The following TMEM132D variants were observed in gnomAD, a reference collection of about 807,000 sequenced individuals.
TMEM132D encodes mature OL transmembrane protein.
In TMEM132D, 21 loss-of-function variants were observed where a neutral mutation model predicts 62.3. The ratio of observed to expected loss-of-function variants is 0.34; its 90% CI spans 0.24 to 0.49. The LOEUF (loss-of-function observed/expected upper bound fraction) is 0.49. Ranked by LOEUF, TMEM132D falls within the 20% of genes least tolerant of loss-of-function variation. The probability of loss-of-function intolerance (pLI) is 0.99; values close to 1 mark genes in which losing one functional copy is unlikely to be tolerated. For missense variants in TMEM132D, 1,346 were observed against 1,402.8 expected (o/e 0.96, Z 0.65); for synonymous variants, 621 against 575.6 (o/e 1.08, Z -1.13).
chr12:129,710,639 ATTTAT>A lies in TMEM132D; in HGVS notation c.80-9946_80-9942del, dbSNP rs562877940. Among the ~76,000 whole-genome samples, 300 of 152,250 alleles carry A rather than the reference ATTTAT, an allele frequency of 2.0e-3. 2 individuals are homozygous for A. The highest frequency in any genetic ancestry group is 3.5e-3 in the South Asian group (17 of 4,820). ...ACATTATGCAAAATATCTCTTGCCTATTTATTTTATCTATTTTATTGCAAACACTT... is the reference window on the plus strand; with the variant it reads ...ACATTATGCAAAATATCTCTTGCCTATTTATCTATTTTATTGCAAACACTT... On this transcript the variant is annotated intron_variant, in intron 1 of 8. Coordinates refer to ENST00000422113, the MANE Select transcript of TMEM132D (RefSeq NM_133448.3).
chr12:129,852,085 C>T (rs1285026396), intron 1 of TMEM132D: 1 of 152,210 alleles, frequency 6.6e-6, no homozygotes, highest in African/African-American at 2.4e-5. Context: ...CCACAACCTG[C>T]ACAACCTCAC....
chr12:129,424,707 C>CAAAA (rs11385383), intron 3 of TMEM132D, among the ~76,000 whole-genome samples: 15 of 31,784 alleles, frequency 4.7e-4, no homozygotes, highest in East Asian at 2.4e-3. Flanking sequence ...GACTCCATCT[C>CAAAA]AAAAAAAAAA....
At position 129,227,300 on chromosome 12, in the gene TMEM132D, AATATATATAT is replaced by A. The variant is rs141108255; in HGVS notation, c.1300-17647_1300-17638del. ...ATCTGTCATCTGTCCTGCGTTAGGA[AATATATATAT>A]ATATATATATATATATGGCGCAAGT... On this transcript the variant is annotated intron_variant, in intron 4 of 8. Coordinates refer to ENST00000422113, the MANE Select transcript of TMEM132D (RefSeq NM_133448.3). Among the ~76,000 whole-genome samples the A allele has an allele frequency of 2.1e-4, 23 of 108,742 alleles. No individual in the cohort carries two copies. The East Asian group carries it at 2.4e-3, about 11-fold the overall frequency. The allele number at this position is 108,742 out of a possible 152,430, so 71.3% of individuals were successfully genotyped here. A position where few individuals can be genotyped will look rare whatever the true frequency, so the allele number is the denominator to read the frequency against.
intron 2 of TMEM132D, among the ~76,000 whole-genome samples, chr12:129,568,120 A>G (rs1459198686): frequency 6.6e-6 from 1 of 152,246 alleles, no homozygotes; most frequent in Non-Finnish European, 1.5e-5. Flanking sequence ...CTTGGGTGGC[A>G]GGAACAGTCT....
At chr12:129,220,792 G>GGAAAAA (rs1192147192) in intron 4 of TMEM132D, among the ~76,000 whole-genome samples, 1 of 151,780 alleles carries the variant, frequency 6.6e-6, no homozygotes, top group African/African-American at 2.4e-5. Flanking sequence ...TACGTTTCAT[G>GGAAAAA]GAAAAAGAAA....
intron 1 of TMEM132D, among the ~76,000 whole-genome samples, chr12:129,874,045 T>C (rs1874336261): frequency 6.6e-6 from 1 of 152,182 alleles, no homozygotes; most frequent in Non-Finnish European, 1.5e-5. Context: ...AACAGAAGGC[T>C]ACAAACTTTC....
intron 4 of TMEM132D, among the ~76,000 whole-genome samples, chr12:129,289,774 G>A (rs1881401677): frequency 6.6e-6 from 1 of 152,128 alleles, no homozygotes; most frequent in South Asian, 2.1e-4. Flanking sequence ...CTATTTGGGA[G>A]ATTAAGGAGG....
rs2135602710 is a variant in TMEM132D at position 129,074,350 on chromosome 12, G to C, written c.2825C>G (p.Ala942Gly). 1 of 1,614,042 alleles carries C rather than the reference G, an allele frequency of 6.2e-7. No individual in the cohort carries two copies. The highest frequency in any genetic ancestry group is 8.5e-7 in the Non-Finnish European group (1 of 1,180,026). ...LVFLINCVTFALKYRHKQVPF... is the reference protein window; with the variant it reads ...LVFLINCVTFGLKYRHKQVPF... Reference sequence around the variant, plus strand: ...AACCTGTTTGTGTCTGTATTTTAATGCAAAGGTCACACAGTTTATCAAGAA... The same window carrying C: ...AACCTGTTTGTGTCTGTATTTTAATCCAAAGGTCACACAGTTTATCAAGAA... Residue 942 changes from alanine to glycine, a missense_variant, in exon 9 of 9, where the codon GCA becomes GGA. Ala to Gly is a moderately conservative substitution (Grantham distance 60, BLOSUM62 0). Coordinates refer to ENST00000422113, the MANE Select transcript of TMEM132D (RefSeq NM_133448.3).
intron 4 of TMEM132D, among the ~76,000 whole-genome samples, chr12:129,264,422 A>C (rs887486356): frequency 6.6e-6 from 1 of 152,074 alleles, no homozygotes; most frequent in Non-Finnish European, 1.5e-5. Flanking sequence ...AAACCAGTAC[A>C]TTTTGGCGTG....
chr12:129,385,968 G>T (rs1052391406), intron 3 of TMEM132D, among the ~76,000 whole-genome samples: 1 of 152,144 alleles, frequency 6.6e-6, no homozygotes, highest in Non-Finnish European at 1.5e-5. Flanking sequence ...TGCAGACGGG[G>T]CACCTTGTGC....
chr12:129,580,734 T>TC (rs370076393), intron 2 of TMEM132D, among the ~76,000 whole-genome samples: 52,159 of 151,328 alleles, frequency 0.34, 9,632 homozygotes, highest in Non-Finnish European at 0.4. Flanking sequence ...TAAATAAAAA[T>TC]AAATAAATAA....
chr12:129,722,475 A>C (rs913712044), intron 1 of TMEM132D, among the ~76,000 whole-genome samples: 1 of 152,182 alleles, frequency 6.6e-6, no homozygotes, highest in Non-Finnish European at 1.5e-5. Context: ...AGAACACTGA[A>C]CATCTTCTTG....
chr12:129,164,048 G>A (rs1337087541), intron 5 of TMEM132D, among the ~76,000 whole-genome samples: 1 of 152,170 alleles, frequency 6.6e-6, no homozygotes, highest in Non-Finnish European at 1.5e-5. Context: ...TACTGTGCAT[G>A]ACTTTCTCCA....
chr12:129,136,638 C>G (rs1876567472), intron 5 of TMEM132D, among the ~76,000 whole-genome samples: 1 of 151,788 alleles, frequency 6.6e-6, no homozygotes, highest in Non-Finnish European at 1.5e-5. Flanking sequence ...TCATCACCAT[C>G]ACAATCACCA....
intron 5 of TMEM132D, among the ~76,000 whole-genome samples, chr12:129,127,447 G>A (rs767639590): frequency 7.9e-5 from 12 of 152,072 alleles, no homozygotes; most frequent in Non-Finnish European, 1.3e-4. Flanking sequence ...GCTTCCGGCA[G>A]GTCCAGAAGG....
intron 2 of TMEM132D, among the ~76,000 whole-genome samples, chr12:129,658,220 CTGGT>C (rs998278117): frequency 6.6e-6 from 1 of 152,132 alleles, no homozygotes; most frequent in African/African-American, 2.4e-5. Flanking sequence ...CAGTAAACCC[CTGGT>C]TGGTTAGAAA....
chr12:129,235,246 C>G (rs1416933951), intron 4 of TMEM132D, among the ~76,000 whole-genome samples: 1 of 152,026 alleles, frequency 6.6e-6, no homozygotes, highest in Non-Finnish European at 1.5e-5. Flanking sequence ...TTTCCTTCTT[C>G]TAAGAGATCA....
chr12:129,660,440 T>C (rs1461231989), intron 2 of TMEM132D, among the ~76,000 whole-genome samples: 1 of 152,122 alleles, frequency 6.6e-6, no homozygotes, highest in East Asian at 1.9e-4. Flanking sequence ...GGAGGTCTGA[T>C]TGAATCAGCT....
rs145742318 is a variant in TMEM132D, at chr12:129,231,670, T to G, written c.1300-22007A>C. Among the ~76,000 whole-genome samples the G allele has an allele frequency of 4.3e-3, 660 of 152,282 alleles. 2 individuals carry two copies. Among genetic ancestry groups the G allele is most frequent in the Middle Eastern group, 0.031 (9 of 294 alleles). On this transcript the variant is annotated intron_variant, in intron 4 of 8. Coordinates refer to ENST00000422113, the MANE Select transcript of TMEM132D (RefSeq NM_133448.3). Reference sequence around the variant, plus strand: ...AGCAGCTGTGGCTGATGAGCTCAGCTGGTGGGAGCATGGTGTTAATGAGGC... The same window carrying G: ...AGCAGCTGTGGCTGATGAGCTCAGCGGGTGGGAGCATGGTGTTAATGAGGC...
Sources: gnomAD v4.1 joint callset for allele counts (sites outside exome capture counted in the v4.1 genomes callset) on GRCh38, gnomAD v4.1.1 for gene constraint, MANE v1.5 for transcripts, NCBI Gene and HGNC (gene_info 2026-07-23, HGNC 2026-07-21) for gene names.